CADPS: variants seen among roughly 807,000 people sequenced by gnomAD.
The protein encoded by CADPS is calcium-dependent secretion activator 1.
In CADPS, 57 loss-of-function variants were observed where a neutral mutation model predicts 167.3. The observed-to-expected ratio is 0.34, with a 90% CI of 0.28 to 0.42. The LOEUF (loss-of-function observed/expected upper bound fraction) is 0.42. Among genes scored for constraint, CADPS ranks in the 20% least tolerant of loss-of-function variants. The pLI is 1.00. For missense variants in CADPS, 1,414 were observed against 1,738.1 expected, an observed-to-expected ratio of 0.81 and a Z score of 3.32; for synonymous variants, 676 against 635.3, an observed-to-expected ratio of 1.06 and a Z score of -0.96.
chr3:62,767,796 TA>T (rs1409911442), intron 1 of CADPS, among the ~76,000 whole-genome samples: 1 of 152,152 alleles, frequency 6.6e-6, no homozygotes, highest in Non-Finnish European at 1.5e-5. Flanking sequence ...GTAGCCACAT[TA>T]AAAAAATAGA....
chr3:62,860,994 C>T (rs13092822), intron 1 of CADPS, among the ~76,000 whole-genome samples: 1 of 151,940 alleles, frequency 6.6e-6, no homozygotes, highest in Non-Finnish European at 1.5e-5. Flanking sequence ...TGTGCTTGGG[C>T]ACACTGAAAG....
intron 6 of CADPS, among the ~76,000 whole-genome samples, chr3:62,603,336 G>A (rs1389239924): frequency 1.3e-5 from 2 of 152,228 alleles, no homozygotes; most frequent in African/African-American, 2.4e-5. Flanking sequence ...TGGTTCAAGA[G>A]GAAGTGAGGA....
At chr3:62,831,670 C>T (rs1396451273) in intron 1 of CADPS, among the ~76,000 whole-genome samples, 1 of 152,074 alleles carries the variant, frequency 6.6e-6, no homozygotes, top group Non-Finnish European at 1.5e-5. Flanking sequence ...CTACAGTATC[C>T]TACATACCTA....
chr3:62,494,669 A>ATTTTTTTTTT (rs56153630), intron 18 of CADPS, among the ~76,000 whole-genome samples: 3,913 of 118,036 alleles, frequency 0.033, 125 homozygotes, highest in Admixed American at 0.093. Context: ...CTTACCAGCA[A>ATTTTTTTTTT]TTTTTTTTTT....
intron 3 of CADPS, among the ~76,000 whole-genome samples, chr3:62,665,364 G>A (rs1051577331): frequency 6.6e-6 from 1 of 152,148 alleles, no homozygotes. Context: ...AAACAACTTT[G>A]TAAGGTTGGT....
Position 62,420,637 on chromosome 3 carries a change from C to T in CADPS, c.3778-17452G>A, listed in dbSNP as rs75339605. Among the ~76,000 whole-genome samples the T allele has an allele frequency of 6.6e-6, 1 of 152,214 alleles. No homozygotes were observed. Among genetic ancestry groups the T allele is most frequent in the African/African-American group, 2.4e-5 (1 of 41,534 alleles). On this transcript the variant is annotated intron_variant, in intron 28 of 29. Coordinates refer to ENST00000383710, the MANE Select transcript of CADPS (RefSeq NM_003716.4). The surrounding 1 kb of genome is among the most constrained non-coding windows in gnomAD (Gnocchi z 4.1). ...ATAGCAACTGCCCAATTAAGGGAGT[C>T]TAGAAAACAGGTTCTGATGCCTGGG...
intron 3 of CADPS, among the ~76,000 whole-genome samples, chr3:62,725,784 A>T (rs972413580): frequency 1.3e-5 from 2 of 151,822 alleles, no homozygotes. Flanking sequence ...TAGAGGAGTC[A>T]CCCTAACTCA....
chr3:62,698,150 A>G (rs984473737), intron 3 of CADPS, among the ~76,000 whole-genome samples: 1 of 152,070 alleles, frequency 6.6e-6, no homozygotes, highest in Non-Finnish European at 1.5e-5. Flanking sequence ...GGTCTCTTGT[A>G]ATGGTTGAGA....
At chr3:62,577,613 G>C (rs866249) in intron 8 of CADPS, among the ~76,000 whole-genome samples, 145,954 of 152,318 alleles carry the variant, frequency 0.96, 70,218 homozygotes, top group Non-Finnish European at 1. Flanking sequence ...CAACCAACAC[G>C]ACTAACAACA....
rs760704968 is a variant in CADPS at position 62,399,604 on chromosome 3, C to A, written c.3883-19G>T. ...AGGTTTTCTAAGGAAGGAAAAGATA[C>A]AGTGATAAGAGAGATCTCATCTCCA... On this transcript the variant is annotated intron_variant, in intron 29 of 29. Coordinates refer to ENST00000383710, the MANE Select transcript of CADPS (RefSeq NM_003716.4). This position sits in a 1 kb window ranked among gnomAD's most constrained non-coding sequence, Gnocchi z 5.6. 2.5e-6 allele frequency: 4 copies of A among 1,598,880 alleles called. No homozygotes were observed. The highest frequency in any genetic ancestry group is 1.1e-5 in the South Asian group (1 of 90,682).
chr3:62,461,296 A>G (rs1366806932), intron 26 of CADPS, among the ~76,000 whole-genome samples: 1 of 152,166 alleles, frequency 6.6e-6, no homozygotes, highest in African/African-American at 2.4e-5. Flanking sequence ...ATCTAATATA[A>G]CCATCATCAT....
intron 1 of CADPS, among the ~76,000 whole-genome samples, chr3:62,770,003 A>G (rs1354026128): frequency 3.3e-5 from 5 of 152,192 alleles, no homozygotes; most frequent in Admixed American, 1.3e-4. Flanking sequence ...GATAAACTCA[A>G]TGGGCTCCAA....
intron 3 of CADPS, among the ~76,000 whole-genome samples, chr3:62,690,352 T>G (rs2078880242): frequency 6.6e-6 from 1 of 152,072 alleles, no homozygotes; most frequent in African/African-American, 2.4e-5. Flanking sequence ...TTTGTTCTTA[T>G]GCTGTAGGTC....
intron 8 of CADPS, among the ~76,000 whole-genome samples, chr3:62,581,541 C>T (rs765056789): frequency 2.0e-4 from 30 of 150,556 alleles, no homozygotes; most frequent in Non-Finnish European, 3.5e-4. Context: ...CTTAGCTGGG[C>T]GTGGTGGTAC....
intron 6 of CADPS, among the ~76,000 whole-genome samples, chr3:62,629,611 G>A (rs833667): frequency 0.14 from 21,526 of 152,054 alleles, 1,635 homozygotes; most frequent in Middle Eastern, 0.22. Context: ...CACCACCATG[G>A]CCATTCTTTG....
intron 3 of CADPS, among the ~76,000 whole-genome samples, chr3:62,701,234 C>G (rs2081330173): frequency 6.6e-6 from 1 of 152,138 alleles, no homozygotes; most frequent in South Asian, 2.1e-4. Flanking sequence ...CCACATTACT[C>G]TTTTAGGACA....
chr3:62,593,025 T>A (rs757324533), intron 6 of CADPS, among the ~76,000 whole-genome samples: 2 of 152,202 alleles, frequency 1.3e-5, no homozygotes, highest in African/African-American at 4.8e-5. Context: ...TGAGAACTTG[T>A]TCCCATGCAT....
intron 3 of CADPS, among the ~76,000 whole-genome samples, chr3:62,745,717 A>T (rs543740127): frequency 6.6e-6 from 1 of 152,290 alleles, no homozygotes; most frequent in Admixed American, 6.5e-5. Flanking sequence ...AAAATGACCA[A>T]ACATGCACCT....
At chr3:62,633,486 C>G (rs141728089) in intron 6 of CADPS, among the ~76,000 whole-genome samples, 11 of 152,268 alleles carry the variant, frequency 7.2e-5, no homozygotes, top group Admixed American at 4.6e-4. Context: ...GCTGTCTTCT[C>G]TCTTCCCTCT....
Sources: allele counts gnomAD v4.1 joint callset (sites outside exome capture counted in the v4.1 genomes callset), GRCh38; gene constraint gnomAD v4.1.1; non-coding constraint Gnocchi (gnomAD v3.1); transcripts MANE v1.5; gene names NCBI Gene and HGNC (gene_info 2026-07-23, HGNC 2026-07-21).